KIAA1671: variants seen among roughly 807,000 people sequenced by gnomAD.
The protein encoded by KIAA1671 is KIAA1671, also known as uncharacterized protein KIAA1671.
A neutral mutation model predicts 131.2 loss-of-function variants in KIAA1671; 52 were observed. The ratio of observed to expected loss-of-function variants is 0.40; its 90% CI spans 0.32 to 0.50. KIAA1671 has a LOEUF of 0.50. Among genes scored for constraint, KIAA1671 ranks in the 20% least tolerant of loss-of-function variants. The pLI is 0.73. For synonymous variants in KIAA1671, 1,003 were observed against 961.6 expected, an observed-to-expected ratio of 1.04 and a Z score of -0.80; for missense variants, 2,360 against 2,364.2, an observed-to-expected ratio of 1.00 and a Z score of 0.04.
chr22:25,104,417 AAGG>A (rs1930881961), intron 6 of KIAA1671, among the ~76,000 whole-genome samples: 1 of 152,158 alleles, frequency 6.6e-6, no homozygotes, highest in Non-Finnish European at 1.5e-5. Flanking sequence ...GAAAAAGCCG[AAGG>A]TTGTCTTGGA....
chr22:25,085,170 C>G (rs1929638718), intron 6 of KIAA1671, among the ~76,000 whole-genome samples: 1 of 152,220 alleles, frequency 6.6e-6, no homozygotes. Flanking sequence ...TCACTGAGCA[C>G]CTACTCTGTG....
chr22:24,976,212 G>A (rs573957683), intron 1 of KIAA1671, among the ~76,000 whole-genome samples: 1 of 152,340 alleles, frequency 6.6e-6, no homozygotes, highest in South Asian at 2.1e-4. Flanking sequence ...CCTGTTTATG[G>A]AGCAAGACAG....
At position 25,078,022 on chromosome 22, in the gene KIAA1671, G is replaced by A. The variant is rs192741184; in HGVS notation, c.4530+28658G>A. Among the ~76,000 whole-genome samples, 63 of 152,278 alleles carry A rather than the reference G, an allele frequency of 4.1e-4. 1 individual carries two copies. The highest frequency in any genetic ancestry group is 1.1e-3 in the Admixed American group (17 of 15,300). ...GGGTGGATTTTATTATTATTTTACCGAAGAGAAAACTGAGATTCTGAGAGG... is the reference window on the plus strand; with the variant it reads ...GGGTGGATTTTATTATTATTTTACCAAAGAGAAAACTGAGATTCTGAGAGG... On this transcript the variant is annotated intron_variant, in intron 6 of 12. Coordinates refer to ENST00000358431, the MANE Select transcript of KIAA1671 (RefSeq NM_001145206.2).
chr22:25,179,303 G>C, intron 9 of KIAA1671: 3 of 1,576,900 alleles, frequency 1.9e-6, no homozygotes, highest in Non-Finnish European at 8.6e-7. Flanking sequence ...CGCCCGTCCC[G>C]GGCCCTTAGC....
chr22:24,961,424 A>T (rs1208724719), intron 1 of KIAA1671, among the ~76,000 whole-genome samples: 1 of 152,216 alleles, frequency 6.6e-6, no homozygotes, highest in Non-Finnish European at 1.5e-5. Context: ...ATACTGTGTA[A>T]CAAACATCTC....
intron 6 of KIAA1671, chr22:25,060,098 C>G (rs539646438): frequency 2.0e-5 from 3 of 152,280 alleles, no homozygotes; most frequent in Non-Finnish European, 4.4e-5. Flanking sequence ...GAAGGAGCTT[C>G]CCTTGCATCC....
At chr22:25,036,666 C>A (rs2145800234) in intron 4 of KIAA1671, among the ~76,000 whole-genome samples, 1 of 152,212 alleles carries the variant, frequency 6.6e-6, no homozygotes, top group African/African-American at 2.4e-5. Flanking sequence ...CACCTGTAAT[C>A]CCAGCACTTC....
At chr22:25,110,657 G>A (rs1931283427) in intron 6 of KIAA1671, among the ~76,000 whole-genome samples, 1 of 152,178 alleles carries the variant, frequency 6.6e-6, no homozygotes, top group Non-Finnish European at 1.5e-5. Flanking sequence ...TGACATGTTT[G>A]GGATCTCCAG....
At chr22:25,053,294 C>G (rs1221386589) in intron 6 of KIAA1671, 5 of 152,214 alleles carry the variant, frequency 3.3e-5, no homozygotes. Flanking sequence ...CATGGCGAAT[C>G]CAAGTCCTGT....
chr22:25,030,098 G>C (rs1602080995), intron 3 of KIAA1671, among the ~76,000 whole-genome samples: 1 of 152,234 alleles, frequency 6.6e-6, no homozygotes, highest in African/African-American at 2.4e-5. Flanking sequence ...TCTTAAGTCA[G>C]TTGGTTAATA....
At chr22:25,003,807 C>T (rs914976768) in intron 1 of KIAA1671, among the ~76,000 whole-genome samples, 1 of 151,870 alleles carries the variant, frequency 6.6e-6, no homozygotes, top group African/African-American at 2.4e-5. Context: ...CATCCATGTG[C>T]ATCTATATCA....
intron 6 of KIAA1671, chr22:25,060,877 AC>A (rs1928121127): frequency 6.6e-6 from 1 of 152,320 alleles, no homozygotes; most frequent in East Asian, 1.9e-4. Flanking sequence ...TCCATTCTAA[AC>A]CTGAAACATC....
intron 1 of KIAA1671, among the ~76,000 whole-genome samples, chr22:24,976,107 G>A (rs973451347): frequency 3.3e-5 from 5 of 152,172 alleles, no homozygotes; most frequent in Non-Finnish European, 7.3e-5. Flanking sequence ...CTCCCCACCC[G>A]TAGCCAGCGA....
At chr22:25,097,671 C>T (rs929838089) in intron 6 of KIAA1671, among the ~76,000 whole-genome samples, 4 of 151,138 alleles carry the variant, frequency 2.6e-5, no homozygotes, top group South Asian at 4.3e-4. Context: ...ACCTGGGAGG[C>T]GGAGCTTGCA....
intron 5 of KIAA1671, among the ~76,000 whole-genome samples, chr22:25,046,536 TAA>T (rs998920311): frequency 2.9e-5 from 4 of 140,212 alleles, no homozygotes; most frequent in Non-Finnish European, 3.1e-5. Flanking sequence ...ATTTTAGTTT[TAA>T]GAGAGAGACG....
At chr22:25,134,375 T>C (rs1932578817) in intron 6 of KIAA1671, among the ~76,000 whole-genome samples, 1 of 152,136 alleles carries the variant, frequency 6.6e-6, no homozygotes, top group African/African-American at 2.4e-5. Context: ...CTGGTATTGG[T>C]ATGTGTGTGT....
At chr22:25,154,618 A>G (rs565073695) in intron 6 of KIAA1671, among the ~76,000 whole-genome samples, 1 of 152,296 alleles carries the variant, frequency 6.6e-6, no homozygotes, top group African/African-American at 2.4e-5. Context: ...AAGGAAACAG[A>G]GCCCTTGGCT....
chr22:25,120,063 G>C (rs529842966), intron 6 of KIAA1671, among the ~76,000 whole-genome samples: 2 of 152,312 alleles, frequency 1.3e-5, no homozygotes, highest in Admixed American at 1.3e-4. Context: ...CCTGCTGTGT[G>C]CCAGGCACAG....
At chr22:24,988,145 T>C (rs1435004780) in intron 1 of KIAA1671, among the ~76,000 whole-genome samples, 3 of 152,188 alleles carry the variant, frequency 2.0e-5, no homozygotes, top group East Asian at 1.9e-4. Context: ...CTGTGTGTTA[T>C]GGCGTGCATC....
Sources: allele counts gnomAD v4.1 joint callset (sites outside exome capture counted in the v4.1 genomes callset), GRCh38; gene constraint gnomAD v4.1.1; transcripts MANE v1.5; gene names NCBI Gene and HGNC (gene_info 2026-07-23, HGNC 2026-07-21).